PDIA2: variants seen among roughly 807,000 people sequenced by gnomAD.
PDIA2 encodes the protein protein disulfide-isomerase A2.
A neutral mutation model predicts 51.1 loss-of-function variants in PDIA2; 76 were observed. The ratio of observed to expected loss-of-function variants is 1.49; its 90% CI spans 1.24 to 1.80. The LOEUF (loss-of-function observed/expected upper bound fraction) is 1.80. Ranked by LOEUF, PDIA2 falls within the 40% of genes most tolerant of loss-of-function variation. The pLI is 0.00. For synonymous variants in PDIA2, 429 were observed against 309.9 expected, an observed-to-expected ratio of 1.38 and a Z score of -4.04; for missense variants, 946 against 706.5, an observed-to-expected ratio of 1.34 and a Z score of -3.84.
Position 283,226 on chromosome 16 carries a change from A to G in PDIA2, c.57A>G (p.Pro19=), listed in dbSNP as rs376008697. The G allele has an allele frequency of 1.9e-5, 30 of 1,609,088 alleles. No homozygotes were observed. In the African/African-American group the frequency reaches 2.5e-4, roughly 14 times the overall value. ...LLLLLLRASC[P]WGQEQGARSP... ...TGCTGCTGCTCAGGGCTTCGTGCCC[A>G]TGGGGTCAGGAACAGGGAGCGAGGA... Residue 19 remains proline, a synonymous_variant, in exon 1 of 11, where the codon CCA becomes CCG. Coordinates refer to ENST00000219406, the MANE Select transcript of PDIA2 (RefSeq NM_006849.4).
intron 7 of PDIA2, among the ~76,000 whole-genome samples, chr16:286,016 G>A (rs1331381812): frequency 4.1e-5 from 1 of 24,668 alleles, no homozygotes; most frequent in Non-Finnish European, 8.0e-5. Context: ...CCCCAACCCC[G>A]CGGTTCTCCA....
In PDIA2 at chr16:285,228, G is replaced by A. The variant is rs377643450; in HGVS notation, c.795+28G>A. ...GCGTAGGCTGCAGTGCCTGGGCTGG[G>A]GGTGTCCCAGGGTAGAGTCGTCCAG... On this transcript the variant is annotated intron_variant, in intron 5 of 10. Coordinates refer to ENST00000219406, the MANE Select transcript of PDIA2 (RefSeq NM_006849.4). 22 of 1,612,780 alleles carry A rather than the reference G, an allele frequency of 1.4e-5. No individual in the cohort carries two copies. The African/African-American group carries it at 2.4e-4, about 18-fold the overall frequency.
In PDIA2 at chr16:286,915, G is replaced by A. The variant is rs1242009579; in HGVS notation, c.1503G>A (p.Glu501=). ...LDNGGVLPTE[E]PPEEPAAPFP... ...ACGGGGGCGTGCTGCCCACGGAGGAGCCCCCGGAGGAGCCAGCAGCCCCGT... is the reference window on the plus strand; with the variant it reads ...ACGGGGGCGTGCTGCCCACGGAGGAACCCCCGGAGGAGCCAGCAGCCCCGT... Residue 501 remains glutamate, a synonymous_variant, in exon 10 of 11, where the codon GAG becomes GAA. Transcript: ENST00000219406. The A allele has an allele frequency of 6.3e-7, 1 of 1,599,336 alleles. No individual in the cohort carries two copies. The highest frequency in any genetic ancestry group is 2.2e-5 in the East Asian group (1 of 44,598).
rs1443852358 is a variant in PDIA2, at chr16:284,348, G to T, written c.200-39G>T. 6 of 1,522,420 alleles carry T rather than the reference G, an allele frequency of 3.9e-6. No homozygotes were observed. In the African/African-American group the frequency reaches 6.9e-5, roughly 17 times the overall value. The allele number at this position is 1,522,420 out of a possible 1,614,324, so 94.3% of individuals were successfully genotyped here. A position where few individuals can be genotyped will look rare whatever the true frequency, so the allele number is the denominator to read the frequency against. On this transcript the variant is annotated intron_variant, in intron 1 of 10. Transcript: ENST00000219406. The stretch of plus-strand genomic sequence containing the variant: ...CAGGTGTGGAGAGGGTGCTCCTGGG[G>T]TTGTGGTGGCCTGGGGCACTCACGG...
Position 284,997 on chromosome 16 carries a change from T to A in PDIA2, c.660T>A (p.Thr220=). 1 of 1,613,310 alleles carries A rather than the reference T, an allele frequency of 6.2e-7. No homozygotes were observed. Among genetic ancestry groups the A allele is most frequent in the African/African-American group, 1.3e-5 (1 of 75,054 alleles). ...LFQQFGLTKD[T]VVLFKKFDEG... ...AGCAGTTTGGCCTCACCAAGGACACTGTGGTTCTCTTCAAGAAGGTAGGTC... is the reference window on the plus strand; with the variant it reads ...AGCAGTTTGGCCTCACCAAGGACACAGTGGTTCTCTTCAAGAAGGTAGGTC... Residue 220 remains threonine, a synonymous_variant, in exon 4 of 11, where the codon ACT becomes ACA. Coordinates refer to ENST00000219406, the MANE Select transcript of PDIA2 (RefSeq NM_006849.4).
chr16:287,047 C>T, intron 10 of PDIA2, 22 bp from the exon 11 acceptor site: 1 of 1,612,762 alleles, frequency 6.2e-7, no homozygotes. Flanking sequence ...GAGCTTCGAG[C>T]TGCACTTGTG....
In PDIA2 at chr16:284,684, C is replaced by T. The variant is rs373018065; in HGVS notation, c.432C>T (p.Ala144=). The change falls in exon 3 of 11, where the codon GCC becomes GCT. Residue 144 remains alanine, a synonymous_variant. Coordinates refer to ENST00000219406, the MANE Select transcript of PDIA2 (RefSeq NM_006849.4). ...YTGPRDAEGI[A]EWLRRRVGPS... is the part of the protein sequence containing the mutation. ...GACCACGGGACGCTGAGGGCATTGCCGAGTGGCTGCGACGGCGGGTGGGGC... is the reference window on the plus strand; with the variant it reads ...GACCACGGGACGCTGAGGGCATTGCTGAGTGGCTGCGACGGCGGGTGGGGC... 501 of 1,587,554 alleles carry T rather than the reference C, an allele frequency of 3.2e-4. No homozygotes were observed. The highest frequency in any genetic ancestry group is 1.6e-3 in the Admixed American group (92 of 57,934).
chr16:286,270 C>T lies in PDIA2; in HGVS notation c.1120-83C>T, dbSNP rs575805929. The stretch of plus-strand genomic sequence containing the variant: ...TGCCGCTGACCCCGCACAGGACCTC[C>T]CCCCCACCCCCCAGGCCCTGCACAG... On this transcript the variant is annotated intron_variant, in intron 7 of 10. Coordinates refer to ENST00000219406, the MANE Select transcript of PDIA2 (RefSeq NM_006849.4). 6 of 620,974 alleles carry T rather than the reference C, an allele frequency of 9.7e-6. No individual in the cohort carries two copies. The South Asian group carries it at 1.0e-4, about 11-fold the overall frequency. 38.5% of individuals were successfully genotyped at this position (620,974 alleles called of 1,614,324 possible).
chr16:286,495 G>A (rs1049212415), intron 8 of PDIA2, 22 bp downstream of exon 8: 3 of 1,613,176 alleles, frequency 1.9e-6, no homozygotes, highest in South Asian at 1.1e-5. Context: ...GGGAGGCAGG[G>A]GTGGTGTGGG....
Position 285,663 on chromosome 16 carries a change from T to C in PDIA2, c.1079T>C (p.Ile360Thr). 6.2e-7 allele frequency: 1 copy of C among 1,613,222 alleles called. No homozygotes were observed. Among genetic ancestry groups the C allele is most frequent in the Non-Finnish European group, 8.5e-7 (1 of 1,179,944 alleles). ...VDGGPVTAASITAFCHAVLNG... is the reference protein window; with the variant it reads ...VDGGPVTAASTTAFCHAVLNG... ...GGGGGCCCTGTCACCGCAGCGTCCA[T>C]CACTGCTTTCTGCCATGCAGTCCTC... Residue 360 changes from isoleucine (I) to threonine (T), a missense_variant, in exon 7 of 11, where the codon ATC becomes ACC. Physicochemically the swap from Ile to Thr is moderately conservative, Grantham distance 89. Transcript: ENST00000219406.
In PDIA2 at chr16:286,376, AC is replaced by A. The variant is rs1472796664; in HGVS notation, c.1148del (p.Pro383LeufsTer93). 2 of 1,608,710 alleles carry A rather than the reference AC, an allele frequency of 1.2e-6. No homozygotes were observed. The highest frequency in any genetic ancestry group is 1.7e-6 in the Non-Finnish European group (2 of 1,178,944). On this transcript the variant is annotated frameshift_variant, in exon 8 of 11. Transcript: ENST00000219406. LOFTEE classifies it high-confidence loss of function. The part of the protein sequence containing the change: ...VKPYLLSQEI[P>X]PDWDQRPVKT... The stretch of plus-strand genomic sequence containing the variant: ...AGCCCTATCTCCTGAGCCAGGAGAT[AC>A]CCCCTGATTGGGATCAGCGGCCAGT...
chr16:286,382 T>C lies in PDIA2; in HGVS notation c.1149T>C (p.Pro383=), dbSNP rs749128114. Residue 383 remains proline (P), a synonymous_variant, in exon 8 of 11, where the codon CCT becomes CCC. Transcript: ENST00000219406. The part of the protein sequence containing the change: ...KPYLLSQEIP[P]DWDQRPVKTL... ...ATCTCCTGAGCCAGGAGATACCCCC[T>C]GATTGGGATCAGCGGCCAGTTAAGA... 35 of 1,554,118 alleles carry C rather than the reference T, an allele frequency of 2.3e-5. No individual in the cohort carries two copies. Among genetic ancestry groups the C allele is most frequent in the Non-Finnish European group, 3.0e-5 (34 of 1,146,452 alleles).
Position 286,854 on chromosome 16 carries a change from C to T in PDIA2, c.1442C>T (p.Thr481Ile), listed in dbSNP as rs138762531. 6 of 1,610,044 alleles carry T rather than the reference C, an allele frequency of 3.7e-6. No individual in the cohort carries two copies. The highest frequency in any genetic ancestry group is 5.1e-6 in the Non-Finnish European group (6 of 1,178,810). ...PGRKVIEYKS[T>I]RDLETFSKFL... ...TCTCAGGTGATTGAATACAAAAGCA[C>T]CAGGGACCTGGAGACTTTCTCCAAG... The change falls in exon 10 of 11, where the codon ACC becomes ATC. Residue 481 changes from threonine to isoleucine, a missense_variant. Thr to Ile is a moderately conservative substitution (Grantham distance 89, BLOSUM62 -1). Coordinates refer to ENST00000219406, the MANE Select transcript of PDIA2 (RefSeq NM_006849.4).
At position 286,696 on chromosome 16, in the gene PDIA2, C is replaced by T; in HGVS notation, c.1383C>T (p.Phe461=). The part of the protein sequence containing the change: ...NELDAFAVHG[F]PTLKYFPAGP... ...TGGATGCCTTCGCTGTGCACGGCTT[C>T]CCTACTCTCAAGTACTTCCCAGCAG... The change falls in exon 9 of 11, where the codon TTC becomes TTT. Residue 461 remains phenylalanine (F), a synonymous_variant. Coordinates refer to ENST00000219406, the MANE Select transcript of PDIA2 (RefSeq NM_006849.4). 1 of 1,612,478 alleles carries T rather than the reference C, an allele frequency of 6.2e-7. No individual in the cohort carries two copies.
In PDIA2 at chr16:283,221, T is replaced by G; in HGVS notation, c.52T>G (p.Cys18Gly). 6.2e-7 allele frequency: 1 copy of G among 1,608,372 alleles called. No homozygotes were observed. Among genetic ancestry groups the G allele is most frequent in the Admixed American group, 1.7e-5 (1 of 59,588 alleles). ...VLLLLLLRASCPWGQEQGARS... is the reference protein window; with the variant it reads ...VLLLLLLRASGPWGQEQGARS... Reference sequence around the variant, plus strand: ...GCTGCTGCTGCTGCTCAGGGCTTCGTGCCCATGGGGTCAGGAACAGGGAGC... The same window carrying G: ...GCTGCTGCTGCTGCTCAGGGCTTCGGGCCCATGGGGTCAGGAACAGGGAGC... The change falls in exon 1 of 11, where the codon TGC becomes GGC. Residue 18 changes from cysteine (C) to glycine (G), a missense_variant. Cys to Gly is a radical substitution (Grantham distance 159, BLOSUM62 -3). Coordinates refer to ENST00000219406, the MANE Select transcript of PDIA2 (RefSeq NM_006849.4).
intron 7 of PDIA2, among the ~76,000 whole-genome samples, chr16:285,993 G>A (rs1182705507): frequency 9.4e-5 from 2 of 21,272 alleles, no homozygotes; most frequent in Admixed American, 6.1e-4. Flanking sequence ...TCCCAACCCC[G>A]CGGTTCTCCC....
intron 7 of PDIA2, 22 bp from the exon 8 acceptor site, chr16:286,331 C>T (rs372105909): frequency 1.9e-5 from 30 of 1,592,968 alleles, no homozygotes; most frequent in East Asian, 6.8e-5. Flanking sequence ...CCTGGCAAAG[C>T]GCCTGTCCTG....
rs1383379508 is a variant in PDIA2, at chr16:285,706, C to A, written c.1119+3C>A. On this transcript the variant is annotated splice_donor_region_variant and intron_variant, in intron 7 of 10. Transcript: ENST00000219406. Reference sequence around the variant, plus strand: ...CAGTCCTCAACGGCCAAGTCAAGGTCCGCTGCAGACTGCTCATAATGGAAG... The same window carrying A: ...CAGTCCTCAACGGCCAAGTCAAGGTACGCTGCAGACTGCTCATAATGGAAG... The A allele has an allele frequency of 6.2e-7, 1 of 1,612,152 alleles. No homozygotes were observed. Among genetic ancestry groups the A allele is most frequent in the South Asian group, 1.1e-5 (1 of 90,856 alleles).
Position 285,518 on chromosome 16 carries a change from G to A in PDIA2, c.934G>A (p.Val312Met), listed in dbSNP as rs201173019. ...PRFRGQVLFV[V>M]VDVAADNEHV... is the part of the protein sequence containing the mutation. ...CTCCCTGCCACAGGTGCTGTTCGTG[G>A]TGGTGGACGTGGCGGCCGACAATGA... Residue 312 changes from valine to methionine, a missense_variant, in exon 7 of 11, where the codon GTG becomes ATG. Coordinates refer to ENST00000219406, the MANE Select transcript of PDIA2 (RefSeq NM_006849.4). 8.1e-6 allele frequency: 13 copies of A among 1,613,010 alleles called. No homozygotes were observed. Among genetic ancestry groups the A allele is most frequent in the Middle Eastern group, 3.3e-4 (2 of 6,056 alleles).
Sources: gnomAD v4.1 joint callset for allele counts (sites outside exome capture counted in the v4.1 genomes callset) on GRCh38, gnomAD v4.1.1 for gene constraint, MANE v1.5 for transcripts, NCBI Gene and HGNC (gene_info 2026-07-23, HGNC 2026-07-21) for gene names.